Variants in MED12L observed in about 807,000 individuals in gnomAD.
The protein encoded by MED12L is mediator of RNA polymerase II transcription subunit 12-like protein.
A neutral mutation model predicts 281.3 loss-of-function variants in MED12L; 60 were observed. The observed-to-expected ratio is 0.21, with a 90% CI of 0.17 to 0.26. The LOEUF (loss-of-function observed/expected upper bound fraction) is 0.26, where lower values mean the gene tolerates loss of function less well. Ranked by LOEUF, MED12L falls within the 10% of genes least tolerant of loss-of-function variation. The probability of loss-of-function intolerance (pLI) is 1.00; values close to 1 mark genes in which losing one functional copy is unlikely to be tolerated. For missense variants in MED12L, 2,146 were observed against 2,680.9 expected, an observed-to-expected ratio of 0.80 and a Z score of 4.41; for synonymous variants, 974 against 987.2, an observed-to-expected ratio of 0.99 and a Z score of 0.25.
chr3:151,109,007 A>G (rs1369941584), intron 2 of MED12L, among the ~76,000 whole-genome samples: 2 of 152,156 alleles, frequency 1.3e-5, no homozygotes, highest in Non-Finnish European at 2.9e-5. Flanking sequence ...TTCAAGGTAA[A>G]TGCATGAGAT....
At chr3:151,186,843 T>C (rs1170427605) in intron 12 of MED12L, among the ~76,000 whole-genome samples, 1 of 152,218 alleles carries the variant, frequency 6.6e-6, no homozygotes, top group Non-Finnish European at 1.5e-5. Context: ...GAAGGTGAGC[T>C]GGACAGCAGA....
intron 5 of MED12L, among the ~76,000 whole-genome samples, chr3:151,130,558 T>C (rs1470209154): frequency 6.6e-6 from 1 of 152,212 alleles, no homozygotes; most frequent in Non-Finnish European, 1.5e-5. Flanking sequence ...GCCACCCTTA[T>C]GCCCAGAATT....
chr3:151,196,998 A>G (rs977262467), intron 16 of MED12L, among the ~76,000 whole-genome samples: 1 of 152,220 alleles, frequency 6.6e-6, no homozygotes. Flanking sequence ...AATAAAAAAC[A>G]CAAAGTCATC....
intron 5 of MED12L, among the ~76,000 whole-genome samples, chr3:151,148,721 C>T (rs1718070175): frequency 6.6e-6 from 1 of 152,178 alleles, no homozygotes; most frequent in Admixed American, 6.5e-5. Flanking sequence ...TGTTGCATTT[C>T]ATTTCACATA....
intron 44 of MED12L, among the ~76,000 whole-genome samples, chr3:151,431,334 T>C (rs1440186092): frequency 6.6e-6 from 1 of 152,186 alleles, no homozygotes; most frequent in African/African-American, 2.4e-5. Context: ...ACAGGTCATG[T>C]AATTACTGAG....
At chr3:151,200,719 C>T (rs546776146) in intron 16 of MED12L, among the ~76,000 whole-genome samples, 10 of 152,326 alleles carry the variant, frequency 6.6e-5, no homozygotes, top group Admixed American at 5.2e-4. Context: ...TGAGTTAGCA[C>T]GTTAGAGTCC....
chr3:151,209,831 T>C (rs924849675), intron 16 of MED12L, among the ~76,000 whole-genome samples: 8 of 152,172 alleles, frequency 5.3e-5, no homozygotes, highest in African/African-American at 1.9e-4. Context: ...TTCTAGAACT[T>C]CTGAACTCTT....
intron 2 of MED12L, among the ~76,000 whole-genome samples, chr3:151,091,441 A>G (rs941407062): frequency 6.6e-6 from 1 of 152,226 alleles, no homozygotes; most frequent in African/African-American, 2.4e-5. Flanking sequence ...GATCCCAGGT[A>G]ATCTGATGGT....
rs570257100 is a variant in MED12L, at chr3:151,170,316, C to T, written c.1494+4334C>T. 2.3e-4 allele frequency among the ~76,000 whole-genome samples: 35 copies of T among 149,356 alleles called. No homozygotes were observed. In the East Asian group the frequency reaches 5.1e-3, roughly 22 times the overall value. ...TTTGAGATGGAGTCTTGCTCTGTCA[C>T]CTAGGCTGGAGTGCAGTGGCGTGAT... is the stretch of plus-strand genomic sequence containing the variant. On this transcript the variant is annotated intron_variant, in intron 11 of 44. Coordinates refer to ENST00000687756, the MANE Select transcript of MED12L (RefSeq NM_001393769.1).
chr3:151,407,706 G>A (rs1716490116), intron 39 of MED12L, among the ~76,000 whole-genome samples: 1 of 152,184 alleles, frequency 6.6e-6, no homozygotes, highest in South Asian at 2.1e-4. Context: ...ACAGATTAAT[G>A]AGTTAGAGAC....
chr3:151,137,027 C>T (rs373681265), intron 5 of MED12L, among the ~76,000 whole-genome samples: 9 of 151,738 alleles, frequency 5.9e-5, no homozygotes, highest in East Asian at 5.9e-4. Flanking sequence ...CTGGGCATGG[C>T]GGCATGTGCC....
chr3:151,281,336 G>T (rs950617418), intron 16 of MED12L, among the ~76,000 whole-genome samples: 1 of 151,902 alleles, frequency 6.6e-6, no homozygotes, highest in Non-Finnish European at 1.5e-5. Flanking sequence ...CTCGAACCCG[G>T]GAGGTGGAAG....
rs748046032 is a variant in MED12L at position 151,355,980 on chromosome 3, A to G, written c.2602A>G (p.Ile868Val). The G allele has an allele frequency of 6.8e-6, 11 of 1,613,800 alleles. No individual in the cohort carries two copies. Among genetic ancestry groups the G allele is most frequent in the Middle Eastern group, 3.3e-4 (2 of 6,080 alleles). Residue 868 changes from isoleucine (I) to valine (V), a missense_variant, in exon 19 of 45, where the codon ATC becomes GTC. This residue lies in a region of MED12L where 404 missense variants were observed against 603.5 expected (regional missense o/e 0.67). Transcript: ENST00000687756. ...CCCTTTGGCTCACCACATTCAGCTC[A>G]TCTTTGATCTCATGGAGCCAGCACT... ...HLPLAHHIQL[I>V]FDLMEPALNI...
Position 151,411,210 on chromosome 3 carries a change from T to C in MED12L, c.5911-68T>C, listed in dbSNP as rs1026717990. The C allele has an allele frequency of 2.2e-6, 3 of 1,383,054 alleles. No homozygotes were observed. The Admixed American group carries it at 5.1e-5, about 24-fold the overall frequency. 85.7% of individuals were successfully genotyped at this position (1,383,054 alleles called of 1,614,324 possible). A position where few individuals can be genotyped will look rare whatever the true frequency, so the allele number is the denominator to read the frequency against. The stretch of plus-strand genomic sequence containing the variant: ...CTCATGGGTTTGTTTTTGCCCCATA[T>C]ATCGTAGTGATGGGAAAGCTAGGTG... On this transcript the variant is annotated intron_variant, in intron 40 of 44. Transcript: ENST00000687756.
At chr3:151,345,507 T>TC in intron 16 of MED12L, among the ~76,000 whole-genome samples, 1 of 144,714 alleles carries the variant, frequency 6.9e-6, no homozygotes, top group East Asian at 2.0e-4. Context: ...TTTCTTTCTT[T>TC]TTTCTTTTTC....
intron 24 of MED12L, 23 bp downstream of exon 24, chr3:151,367,789 C>T: frequency 6.3e-7 from 1 of 1,590,080 alleles, no homozygotes. Flanking sequence ...CCATGAACAT[C>T]CGTTGCTCTT....
chr3:151,273,263 C>G (rs1741289034), intron 16 of MED12L, among the ~76,000 whole-genome samples: 1 of 125,442 alleles, frequency 8.0e-6, no homozygotes, highest in Admixed American at 9.9e-5. Context: ...TGGAGTCTTG[C>G]TGTGTCACCC....
At chr3:151,256,275 A>C (rs951537879) in intron 16 of MED12L, among the ~76,000 whole-genome samples, 1 of 152,212 alleles carries the variant, frequency 6.6e-6, no homozygotes, top group Admixed American at 6.5e-5. Flanking sequence ...ACCCTGGTAA[A>C]CTCAAACTAT....
intron 16 of MED12L, chr3:151,338,490 G>A: frequency 6.2e-7 from 1 of 1,613,900 alleles, no homozygotes; most frequent in Non-Finnish European, 8.5e-7. Context: ...GCGATCGATA[G>A]TTATCAGTCC....
Sources: gnomAD v4.1 joint callset for allele counts (sites outside exome capture counted in the v4.1 genomes callset) on GRCh38, gnomAD v4.1.1 for gene constraint, gnomAD v4.1.1 regional missense constraint, MANE v1.5 for transcripts, NCBI Gene and HGNC (gene_info 2026-07-23, HGNC 2026-07-21) for gene names.